The following NEURL1B variants were observed in gnomAD, a reference collection of about 807,000 sequenced individuals.
NEURL1B encodes neuralized E3 ubiquitin protein ligase 1B.
NEURL1B carries 13 observed loss-of-function variants against 37.4 expected under a neutral mutation model. The observed-to-expected ratio is 0.35, with a 90% CI of 0.23 to 0.55. NEURL1B has a LOEUF of 0.55. Ranked by LOEUF, NEURL1B falls within the 20% of genes least tolerant of loss-of-function variation. NEURL1B has a pLI of 0.89. For missense variants in NEURL1B, 790 were observed against 879.2 expected (o/e 0.90, Z 1.28); for synonymous variants, 432 against 426.6 (o/e 1.01, Z -0.16).
rs1337633754 is a variant in NEURL1B, at chr5:172,686,705, G to GC, written c.1454dup (p.Val486GlyfsTer66). 1 of 1,550,652 alleles carries GC rather than the reference G, an allele frequency of 6.4e-7. No homozygotes were observed. On this transcript the variant is annotated frameshift_variant, in exon 5 of 5. Coordinates refer to ENST00000369800, the MANE Select transcript of NEURL1B (RefSeq NM_001142651.3). LOFTEE classifies it high-confidence loss of function. The surrounding 1 kb of genome is among the most constrained non-coding windows in gnomAD (Gnocchi z 7.9). ...GTGACGGCCCCCAGCTCCCCGCTGA[G>GC]CCCCCCGGTGTCCCCCGTGTTCTCC... is the stretch of plus-strand genomic sequence containing the variant.
intron 1 of NEURL1B, among the ~76,000 whole-genome samples, chr5:172,662,951 G>T (rs1757930500): frequency 6.6e-6 from 1 of 150,920 alleles, no homozygotes; most frequent in Middle Eastern, 3.4e-3. Context: ...GTTAGGCTGG[G>T]CATGGTGGCT....
Position 172,641,784 on chromosome 5 carries a change from G to T in NEURL1B, c.31+347G>T, listed in dbSNP as rs570756671. On this transcript the variant is annotated intron_variant, in intron 1 of 4. Coordinates refer to ENST00000369800, the MANE Select transcript of NEURL1B (RefSeq NM_001142651.3). The surrounding 1 kb of genome is among the most constrained non-coding windows in gnomAD (Gnocchi z 6.4). ...CAAACTCAAGGCGACCTGGGTGGGG[G>T]TGACTGGAGCCGGGCTCGCCAGGGC... Among the ~76,000 whole-genome samples, 39 of 152,362 alleles carry T rather than the reference G, an allele frequency of 2.6e-4. No homozygotes were observed. Among genetic ancestry groups the T allele is most frequent in the Admixed American group, 2.4e-3 (37 of 15,314 alleles).
intron 1 of NEURL1B, among the ~76,000 whole-genome samples, chr5:172,669,358 C>A (rs1424780763): frequency 2.6e-5 from 4 of 152,204 alleles, no homozygotes; most frequent in Non-Finnish European, 4.4e-5. Context: ...AATATCTCCA[C>A]TACTCACCCT....
At chr5:172,652,359 A>G (rs1156997235) in intron 1 of NEURL1B, among the ~76,000 whole-genome samples, 1 of 152,264 alleles carries the variant, frequency 6.6e-6, no homozygotes, top group Non-Finnish European at 1.5e-5. Flanking sequence ...CCATGTACAC[A>G]AGCATAACAA....
At chr5:172,663,926 G>A (rs1360390191) in intron 1 of NEURL1B, among the ~76,000 whole-genome samples, 2 of 151,408 alleles carry the variant, frequency 1.3e-5, no homozygotes, top group Non-Finnish European at 2.9e-5. Context: ...TGCACCCGCA[G>A]ACTTGGCCAT....
intron 1 of NEURL1B, among the ~76,000 whole-genome samples, chr5:172,645,842 C>G (rs1372569445): frequency 6.6e-6 from 1 of 152,122 alleles, no homozygotes; most frequent in South Asian, 2.1e-4. Context: ...TTACTGCTAC[C>G]CTGTGACTCA....
chr5:172,645,734 A>C (rs151267728), intron 1 of NEURL1B, among the ~76,000 whole-genome samples: 13 of 152,306 alleles, frequency 8.5e-5, no homozygotes, highest in African/African-American at 2.9e-4. Context: ...GTAGAATCAG[A>C]ATCGCTTGCT....
At chr5:172,645,979 G>A (rs1033102990) in intron 1 of NEURL1B, among the ~76,000 whole-genome samples, 2 of 152,204 alleles carry the variant, frequency 1.3e-5, no homozygotes, top group Admixed American at 1.3e-4. Flanking sequence ...AAAATCTGGT[G>A]CATTTATGTA....
chr5:172,656,341 T>G (rs991562580), intron 1 of NEURL1B, among the ~76,000 whole-genome samples: 2 of 151,980 alleles, frequency 1.3e-5, no homozygotes, highest in Non-Finnish European at 2.9e-5. Context: ...ACTAGGAAGT[T>G]AAGTTTATTT....
Position 172,686,630 on chromosome 5 carries a change from C to T in NEURL1B, c.1424-51C>T, listed in dbSNP as rs1410455514. 1 of 1,519,578 alleles carries T rather than the reference C, an allele frequency of 6.6e-7. No homozygotes were observed. The highest frequency in any genetic ancestry group is 2.5e-5 in the East Asian group (1 of 40,286). The allele number at this position is 1,519,578 out of a possible 1,614,324, so 94.1% of individuals were successfully genotyped here. A position where few individuals can be genotyped will look rare whatever the true frequency, so the allele number is the denominator to read the frequency against. Reference sequence around the variant, plus strand: ...CATTCTCGGGGTTGCCCCAACAGAGCCCACCTGAGAGAGACATTGTTAACA... The same window carrying T: ...CATTCTCGGGGTTGCCCCAACAGAGTCCACCTGAGAGAGACATTGTTAACA... On this transcript the variant is annotated intron_variant, in intron 4 of 4. Coordinates refer to ENST00000369800, the MANE Select transcript of NEURL1B (RefSeq NM_001142651.3). The surrounding 1 kb of genome is among the most constrained non-coding windows in gnomAD (Gnocchi z 7.9).
Position 172,676,763 on chromosome 5 carries a change from T to C in NEURL1B, c.577+6433T>C, listed in dbSNP as rs1758239141. On this transcript the variant is annotated intron_variant, in intron 2 of 4. Transcript: ENST00000369800. The surrounding 1 kb of genome is among the most constrained non-coding windows in gnomAD (Gnocchi z 4.5). ...GCCAGGCACAATGCTGAGAGCTTGA[T>C]GTGGGTCATGTCTTCTGTTCCTTAC... Among the ~76,000 whole-genome samples, 1 of 152,252 alleles carries C rather than the reference T, an allele frequency of 6.6e-6. No homozygotes were observed. The highest frequency in any genetic ancestry group is 1.5e-5 in the Non-Finnish European group (1 of 68,036).
At chr5:172,680,388 A>G (rs1420833725) in intron 2 of NEURL1B, among the ~76,000 whole-genome samples, 2 of 149,548 alleles carry the variant, frequency 1.3e-5, no homozygotes, top group African/African-American at 4.9e-5. Context: ...TCCTGTGTGG[A>G]GCCGCTGGGG....
At chr5:172,672,575 C>G (rs1052526023) in intron 2 of NEURL1B, among the ~76,000 whole-genome samples, 3 of 139,272 alleles carry the variant, frequency 2.2e-5, no homozygotes, top group Admixed American at 7.3e-5. Flanking sequence ...TCAGCAAACT[C>G]TTATTGAACT....
intron 1 of NEURL1B, among the ~76,000 whole-genome samples, chr5:172,652,536 AG>A (rs1215837063): frequency 1.3e-5 from 2 of 152,238 alleles, no homozygotes; most frequent in African/African-American, 4.8e-5. Flanking sequence ...CGGTTGGGGC[AG>A]TCCATCCTTG....
chr5:172,678,262 A>G (rs1439601216), intron 2 of NEURL1B, among the ~76,000 whole-genome samples: 1 of 152,206 alleles, frequency 6.6e-6, no homozygotes, highest in Non-Finnish European at 1.5e-5. Flanking sequence ...GTAGCATTCA[A>G]CAGATTGTCA....
intron 1 of NEURL1B, among the ~76,000 whole-genome samples, chr5:172,663,052 AC>A (rs1757932580): frequency 8.0e-5 from 12 of 149,946 alleles, no homozygotes; most frequent in Non-Finnish European, 1.3e-4. Context: ...CCCTGACTCT[AC>A]AAATAATAAT....
At position 172,641,343 on chromosome 5, in the gene NEURL1B, C is replaced by A. The variant is rs1026172299; in HGVS notation, c.-64C>A. 7.3e-6 allele frequency: 10 copies of A among 1,362,790 alleles called. No individual in the cohort carries two copies. The highest frequency in any genetic ancestry group is 3.3e-5 in the South Asian group (2 of 59,738). 84.4% of individuals were successfully genotyped at this position (1,362,790 alleles called of 1,614,324 possible). Reference sequence around the variant, plus strand: ...TCGACCCCGGTCCTGGTCCCTGGCCCGCCGCGTAATTAGCCTCCGCGCGCC... The same window carrying A: ...TCGACCCCGGTCCTGGTCCCTGGCCAGCCGCGTAATTAGCCTCCGCGCGCC... On this transcript the variant is annotated 5_prime_UTR_variant, in exon 1 of 5. Transcript: ENST00000369800. The surrounding 1 kb of genome is among the most constrained non-coding windows in gnomAD (Gnocchi z 6.4).
At chr5:172,672,545 C>G (rs925479879) in intron 2 of NEURL1B, among the ~76,000 whole-genome samples, 3 of 130,612 alleles carry the variant, frequency 2.3e-5, no homozygotes, top group Admixed American at 7.6e-5. Flanking sequence ...AACTCTCCCC[C>G]CCCCACTCTA....
chr5:172,683,253 A>AT lies in NEURL1B; in HGVS notation c.578-165dup, dbSNP rs1401300873. Among the ~76,000 whole-genome samples the AT allele has an allele frequency of 1.3e-5, 2 of 152,160 alleles. No homozygotes were observed. Among genetic ancestry groups the AT allele is most frequent in the African/African-American group, 4.8e-5 (2 of 41,426 alleles). On this transcript the variant is annotated intron_variant, in intron 2 of 4. Transcript: ENST00000369800. The surrounding 1 kb of genome is among the most constrained non-coding windows in gnomAD (Gnocchi z 5.6). ...ATTCTGTGCTCCTGTGACTCACTAAATAACACAGATGGACAAAAGGAGAGT... is the reference window on the plus strand; with the variant it reads ...ATTCTGTGCTCCTGTGACTCACTAAATTAACACAGATGGACAAAAGGAGAGT...
Sources: gnomAD v4.1 joint callset for allele counts (sites outside exome capture counted in the v4.1 genomes callset) on GRCh38, gnomAD v4.1.1 for gene constraint, Gnocchi (gnomAD v3.1) non-coding constraint, MANE v1.5 for transcripts, NCBI Gene and HGNC (gene_info 2026-07-23, HGNC 2026-07-21) for gene names.